The following RP1 variants were observed in gnomAD, a reference collection of about 807,000 sequenced individuals.
The protein encoded by RP1 is RP1 axonemal microtubule associated.
A neutral mutation model predicts 14.8 loss-of-function variants in RP1; 16 were observed. The observed-to-expected ratio is 1.08, with a 90% CI of 0.73 to 1.65. RP1 has a LOEUF of 1.65. RP1 is among the 40% of genes most tolerant of loss of function. The pLI is 0.00. For synonymous variants in RP1, 876 were observed against 883.6 expected, an observed-to-expected ratio of 0.99 and a Z score of 0.15; for missense variants, 2,631 against 2,535.0, an observed-to-expected ratio of 1.04 and a Z score of -0.81.
chr8:54,685,377 G>T (rs997420376), intron 12 of RP1, among the ~76,000 whole-genome samples: 3 of 152,140 alleles, frequency 2.0e-5, no homozygotes, highest in African/African-American at 7.2e-5. Flanking sequence ...TAGTTTCAAA[G>T]AATTTCTTGA....
chr8:54,662,597 C>T (rs1806925995), intron 6 of RP1, among the ~76,000 whole-genome samples: 2 of 152,174 alleles, frequency 1.3e-5, no homozygotes, highest in Non-Finnish European at 2.9e-5. Context: ...TGCATCTTCT[C>T]ATCTTTATAT....
intron 12 of RP1, among the ~76,000 whole-genome samples, chr8:54,683,669 A>C (rs552211288): frequency 6.6e-6 from 1 of 152,022 alleles, no homozygotes; most frequent in East Asian, 1.9e-4. Context: ...CTGGGGCTAA[A>C]GTTGCTTACT....
At chr8:54,796,492 T>A (rs977027322) in intron 24 of RP1, among the ~76,000 whole-genome samples, 4 of 152,296 alleles carry the variant, frequency 2.6e-5, no homozygotes, top group African/African-American at 9.6e-5. Flanking sequence ...AATTATGATG[T>A]AAGTTAACAT....
At chr8:54,734,546 A>C (rs973963381) in exon 18 of RP1, 40 of 1,533,298 alleles carry the variant, frequency 2.6e-5, no homozygotes, top group Non-Finnish European at 3.1e-5. Flanking sequence ...CCCCCATAGA[A>C]GAAATCAGAC....
intron 24 of RP1, among the ~76,000 whole-genome samples, chr8:54,831,905 G>T (rs768976890): frequency 3.3e-5 from 5 of 151,422 alleles, no homozygotes; most frequent in South Asian, 4.2e-4. Context: ...CATTTTTAAA[G>T]AATATTTTTT....
At chr8:54,740,897 G>A (rs539865745) in intron 19 of RP1, among the ~76,000 whole-genome samples, 18 of 151,836 alleles carry the variant, frequency 1.2e-4, no homozygotes, top group Non-Finnish European at 1.9e-4. Context: ...TTAGCCAGGC[G>A]TGGTGGCAGG....
intron 4 of RP1, among the ~76,000 whole-genome samples, chr8:54,649,741 G>C (rs1386398410): frequency 6.6e-6 from 1 of 152,142 alleles, no homozygotes; most frequent in East Asian, 1.9e-4. Flanking sequence ...TGCACAGAAG[G>C]ATTGGTTTGA....
intron 12 of RP1, among the ~76,000 whole-genome samples, chr8:54,682,488 T>A (rs1235025724): frequency 6.6e-6 from 1 of 152,118 alleles, no homozygotes; most frequent in East Asian, 1.9e-4. Flanking sequence ...GGAATATAAA[T>A]CATTCTATTA....
At chr8:54,759,411 G>A (rs959400809) in intron 22 of RP1, among the ~76,000 whole-genome samples, 5 of 152,150 alleles carry the variant, frequency 3.3e-5, no homozygotes, top group African/African-American at 2.4e-5. Flanking sequence ...AAATTGTAGT[G>A]TTACAACAGT....
intron 1 of RP1, among the ~76,000 whole-genome samples, chr8:54,569,325 A>G (rs184188071): frequency 8.5e-5 from 13 of 152,340 alleles, no homozygotes; most frequent in African/African-American, 1.2e-4. Context: ...AATTGTAGAT[A>G]AAAGTACACA....
intron 8 of RP1, among the ~76,000 whole-genome samples, chr8:54,676,204 A>G (rs1267839597): frequency 6.6e-6 from 1 of 152,192 alleles, no homozygotes; most frequent in African/African-American, 2.4e-5. Context: ...GCACAAAGCT[A>G]CATATTCAGG....
At chr8:54,633,440 C>T (rs764896482), downstream of RP1, among the ~76,000 whole-genome samples, 10 of 152,010 alleles carry the variant, frequency 6.6e-5, no homozygotes, top group Admixed American at 5.2e-4. Context: ...ACAAAACATG[C>T]CTCATTTTTC....
At chr8:54,645,930 T>A (rs887413387) in intron 3 of RP1, among the ~76,000 whole-genome samples, 20 of 152,164 alleles carry the variant, frequency 1.3e-4, no homozygotes, top group African/African-American at 3.9e-4. Context: ...ATCTGTTTGC[T>A]CATTAAATGA....
At chr8:54,791,764 C>A (rs1426727667) in intron 24 of RP1, among the ~76,000 whole-genome samples, 1 of 151,718 alleles carries the variant, frequency 6.6e-6, no homozygotes, top group Non-Finnish European at 1.5e-5. Flanking sequence ...ACACAAAAGT[C>A]ATCAATTACA....
At chr8:54,663,427 G>T (rs1482978445) in intron 6 of RP1, among the ~76,000 whole-genome samples, 2 of 152,140 alleles carry the variant, frequency 1.3e-5, no homozygotes, top group Non-Finnish European at 1.5e-5. Flanking sequence ...TTTTCTGTCT[G>T]TGAAATTGTG....
intron 24 of RP1, among the ~76,000 whole-genome samples, chr8:54,802,731 C>G (rs1438061597): frequency 6.6e-6 from 1 of 152,302 alleles, no homozygotes; most frequent in East Asian, 1.9e-4. Flanking sequence ...AACAATCCCA[C>G]TGAGAGAAAG....
chr8:54,633,731 CTCTCTCTA>C (rs1422579058), downstream of RP1, among the ~76,000 whole-genome samples: 47 of 134,406 alleles, frequency 3.5e-4, no homozygotes, highest in African/African-American at 9.2e-4. Flanking sequence ...CTCTCTCTCT[CTCTCTCTA>C]TATATATATA....
At chr8:54,636,171 G>C (rs1397969441) in intron 3 of RP1, among the ~76,000 whole-genome samples, 1 of 152,196 alleles carries the variant, frequency 6.6e-6, no homozygotes, top group Non-Finnish European at 1.5e-5. Context: ...ATCTTAGAGA[G>C]TGGCTGTCTT....
intron 25 of RP1, among the ~76,000 whole-genome samples, chr8:54,843,121 C>T (rs952576644): frequency 2.6e-5 from 4 of 152,170 alleles, no homozygotes; most frequent in Non-Finnish European, 5.9e-5. Context: ...ATTTCAGCTC[C>T]ACTCTCTGGG....
Sources: gnomAD v4.1 joint callset for allele counts (sites outside exome capture counted in the v4.1 genomes callset) on GRCh38, gnomAD v4.1.1 for gene constraint, MANE v1.5 for transcripts, NCBI Gene and HGNC (gene_info 2026-07-23, HGNC 2026-07-21) for gene names.